Variants in PAK5 observed in about 807,000 individuals in gnomAD.
PAK5 encodes serine/threonine-protein kinase PAK 5.
Under a neutral mutation model 65.9 loss-of-function variants are expected in PAK5, and 16 were observed. The observed-to-expected ratio is 0.24, with a 90% CI of 0.16 to 0.37. The LOEUF (loss-of-function observed/expected upper bound fraction) is 0.37. PAK5 is among the 10% of genes least tolerant of loss of function. The pLI is 1.00. For synonymous variants in PAK5, 371 were observed against 354.9 expected (o/e 1.05, Z -0.51); for missense variants, 785 against 903.9 (o/e 0.87, Z 1.69).
In PAK5 at chr20:9,580,598, C is replaced by T. The variant is rs2123015794; in HGVS notation, c.537G>A (p.Glu179=). The T allele has an allele frequency of 1.2e-6, 2 of 1,614,072 alleles. No homozygotes were observed. The highest frequency in any genetic ancestry group is 1.7e-6 in the Non-Finnish European group (2 of 1,180,002). The change falls in exon 4 of 10, where the codon GAG becomes GAA. Residue 179 remains glutamate, a synonymous_variant. Transcript: ENST00000353224. ...NGHVMKMKHG[E]AYYSEVKPLK... is the part of the protein sequence containing the mutation. ...AAGGCTTCACCTCAGAATAGTAGGC[C>T]TCCCCGTGCTTCATTTTCATTACGT...
intron 3 of PAK5, among the ~76,000 whole-genome samples, chr20:9,640,440 T>C (rs1600182637): frequency 6.6e-6 from 1 of 152,142 alleles, no homozygotes; most frequent in Non-Finnish European, 1.5e-5. Flanking sequence ...ATGTGCAACA[T>C]TTTCTTGATC....
intron 2 of PAK5, among the ~76,000 whole-genome samples, chr20:9,673,227 G>C (rs991811940): frequency 1.3e-5 from 2 of 151,720 alleles, no homozygotes; most frequent in African/African-American, 4.8e-5. Flanking sequence ...GTGTTTCCAG[G>C]AAAGGGATTC....
intron 3 of PAK5, among the ~76,000 whole-genome samples, chr20:9,622,746 T>C (rs967793099): frequency 3.3e-5 from 5 of 152,190 alleles, no homozygotes; most frequent in African/African-American, 4.8e-5. Flanking sequence ...GAGAATCTAA[T>C]GCCTGATCAT....
At chr20:9,540,481 C>A (rs1361092140) in intron 9 of PAK5, among the ~76,000 whole-genome samples, 2 of 145,792 alleles carry the variant, frequency 1.4e-5, no homozygotes, top group Non-Finnish European at 3.0e-5. Flanking sequence ...TTGATTTCTT[C>A]TCTATCTGGC....
chr20:9,603,274 G>A (rs947159846), intron 3 of PAK5, among the ~76,000 whole-genome samples: 2 of 152,216 alleles, frequency 1.3e-5, no homozygotes, highest in African/African-American at 4.8e-5. Context: ...TCTAGTTGGG[G>A]AGGGAGAACA....
chr20:9,828,423 T>A (rs902952800), intron 1 of PAK5, among the ~76,000 whole-genome samples: 56 of 152,338 alleles, frequency 3.7e-4, no homozygotes, highest in Non-Finnish European at 1.2e-4. Flanking sequence ...AAAATTTTTT[T>A]AAATCCCCCT....
At chr20:9,717,450 C>A (rs141313614) in intron 1 of PAK5, among the ~76,000 whole-genome samples, 1 of 152,142 alleles carries the variant, frequency 6.6e-6, no homozygotes, top group Admixed American at 6.5e-5. Context: ...CCATTCCAAG[C>A]AGCATTTTAG....
chr20:9,743,092 G>T (rs1328243280), intron 1 of PAK5, among the ~76,000 whole-genome samples: 1 of 152,160 alleles, frequency 6.6e-6, no homozygotes, highest in African/African-American at 2.4e-5. Context: ...AACTGGCCAG[G>T]CATGGTGGCT....
At chr20:9,582,692 G>A (rs2046000324) in intron 3 of PAK5, among the ~76,000 whole-genome samples, 1 of 152,032 alleles carries the variant, frequency 6.6e-6, no homozygotes, top group South Asian at 2.1e-4. Flanking sequence ...TGTGTGTGTG[G>A]TGGGGGTAGG....
intron 1 of PAK5, among the ~76,000 whole-genome samples, chr20:9,824,923 A>T (rs1384975205): frequency 1.3e-5 from 2 of 152,138 alleles, no homozygotes; most frequent in Non-Finnish European, 2.9e-5. Context: ...GCAGAATAGT[A>T]CTCAAGGTGC....
intron 3 of PAK5, among the ~76,000 whole-genome samples, chr20:9,597,377 TG>T (rs1027587319): frequency 1.3e-5 from 2 of 152,246 alleles, no homozygotes; most frequent in Non-Finnish European, 2.9e-5. Flanking sequence ...ATGCATGAAC[TG>T]AGGTTTGTGT....
Position 9,612,475 on chromosome 20 carries a change from G to T in PAK5, c.205-31545C>A, listed in dbSNP as rs191569530. Among the ~76,000 whole-genome samples the T allele has an allele frequency of 2.5e-4, 38 of 152,250 alleles. No individual in the cohort carries two copies. The East Asian group carries it at 7.1e-3, about 29-fold the overall frequency. On this transcript the variant is annotated intron_variant, in intron 3 of 9. Transcript: ENST00000353224. ...AGGAAACTTACAATCACAGCAGAAGGCAAAGGAGAAACAGCCATGTCACAT... is the reference window on the plus strand; with the variant it reads ...AGGAAACTTACAATCACAGCAGAAGTCAAAGGAGAAACAGCCATGTCACAT...
At chr20:9,591,494 A>AT (rs1202683285) in intron 3 of PAK5, among the ~76,000 whole-genome samples, 6 of 152,274 alleles carry the variant, frequency 3.9e-5, no homozygotes, top group African/African-American at 1.4e-4. Flanking sequence ...AAAACTCAGA[A>AT]TTTATGGAAA....
chr20:9,630,527 C>T (rs2046907902), intron 3 of PAK5, among the ~76,000 whole-genome samples: 1 of 152,234 alleles, frequency 6.6e-6, no homozygotes, highest in Non-Finnish European at 1.5e-5. Flanking sequence ...CACACAAACT[C>T]TACAAAGTTC....
At chr20:9,717,254 C>T (rs1358512638) in intron 1 of PAK5, among the ~76,000 whole-genome samples, 3 of 152,116 alleles carry the variant, frequency 2.0e-5, no homozygotes, top group South Asian at 2.1e-4. Context: ...GAGTTGGCTT[C>T]GTATCCACAG....
chr20:9,761,557 T>C (rs1272429271), intron 1 of PAK5, among the ~76,000 whole-genome samples: 1 of 152,082 alleles, frequency 6.6e-6, no homozygotes, highest in Non-Finnish European at 1.5e-5. Context: ...TTAAAATTCA[T>C]ATGAAACCAC....
chr20:9,602,418 C>T (rs2046378600), intron 3 of PAK5, among the ~76,000 whole-genome samples: 2 of 152,234 alleles, frequency 1.3e-5, no homozygotes, highest in South Asian at 4.2e-4. Context: ...AATAATAGTG[C>T]CCATGGCTAG....
intron 7 of PAK5, 28 bp downstream of exon 7, chr20:9,557,580 A>G (rs1231238296): frequency 1.3e-6 from 2 of 1,585,102 alleles, no homozygotes; most frequent in Admixed American, 3.6e-5. Flanking sequence ...AAGAAAAACT[A>G]CGAACGGGCC....
intron 1 of PAK5, among the ~76,000 whole-genome samples, chr20:9,834,898 C>A (rs1979020810): frequency 6.6e-6 from 1 of 152,164 alleles, no homozygotes; most frequent in African/African-American, 2.4e-5. Context: ...GGCAAATATA[C>A]ACATGCAATA....
Sources: gnomAD v4.1 joint callset for allele counts (sites outside exome capture counted in the v4.1 genomes callset) on GRCh38, gnomAD v4.1.1 for gene constraint, MANE v1.5 for transcripts, NCBI Gene and HGNC (gene_info 2026-07-23, HGNC 2026-07-21) for gene names.